The following CHRM2 variants were observed in gnomAD, a reference collection of about 807,000 sequenced individuals.
The protein encoded by CHRM2 is muscarinic acetylcholine receptor M2.
A neutral mutation model predicts 25.0 loss-of-function variants in CHRM2; 8 were observed. That is an observed-to-expected ratio of 0.32 (90% CI 0.19 to 0.58). The LOEUF (loss-of-function observed/expected upper bound fraction) is 0.58, where lower values mean the gene tolerates loss of function less well. Among genes scored for constraint, CHRM2 ranks in the 20% least tolerant of loss-of-function variants. CHRM2 has a pLI of 0.88. For synonymous variants in CHRM2, 202 were observed against 205.7 expected, an observed-to-expected ratio of 0.98 and a Z score of 0.15; for missense variants, 440 against 567.1, an observed-to-expected ratio of 0.78 and a Z score of 2.28.
chr7:136,975,210 G>C (rs945013313), intron 2 of CHRM2, among the ~76,000 whole-genome samples: 4 of 152,136 alleles, frequency 2.6e-5, no homozygotes, highest in African/African-American at 9.7e-5. Flanking sequence ...CAGCCTATAA[G>C]AAACAGCAAT....
intron 2 of CHRM2, among the ~76,000 whole-genome samples, chr7:136,920,772 G>T (rs556044130): frequency 6.6e-6 from 1 of 152,178 alleles, no homozygotes; most frequent in East Asian, 1.9e-4. Flanking sequence ...TTCCTCTGTG[G>T]TCTCAAACTC....
At chr7:136,957,000 C>T (rs543577705) in intron 2 of CHRM2, among the ~76,000 whole-genome samples, 22 of 152,136 alleles carry the variant, frequency 1.4e-4, no homozygotes, top group South Asian at 4.2e-4. Context: ...TGGCGGGACT[C>T]CCCCTACTCC....
At chr7:136,991,461 C>T (rs750594757) in intron 2 of CHRM2, among the ~76,000 whole-genome samples, 19 of 152,094 alleles carry the variant, frequency 1.2e-4, no homozygotes, top group African/African-American at 7.2e-5. Flanking sequence ...GGGTCTATTT[C>T]TGAGCTCTCT....
rs762921749 is a variant in CHRM2, at chr7:137,015,117, T to C, written c.252T>C (p.Thr84=). The part of the protein sequence containing the change: ...VFSMNLYTLY[T]VIGYWPLGPV... ...CCATGAACTTGTACACCCTCTACAC[T>C]GTGATTGGTTACTGGCCTTTGGGAC... is the stretch of plus-strand genomic sequence containing the variant. The change falls in exon 4 of 4, where the codon ACT becomes ACC. Residue 84 remains threonine, a synonymous_variant. Coordinates refer to ENST00000680005, the MANE Select transcript of CHRM2 (RefSeq NM_001006630.2). The surrounding 1 kb of genome is among the most constrained non-coding windows in gnomAD (Gnocchi z 5.1). 6 of 1,613,550 alleles carry C rather than the reference T, an allele frequency of 3.7e-6. No individual in the cohort carries two copies. The highest frequency in any genetic ancestry group is 5.1e-6 in the Non-Finnish European group (6 of 1,179,626).
chr7:136,920,421 C>T (rs1229419427), intron 2 of CHRM2, among the ~76,000 whole-genome samples: 1 of 152,168 alleles, frequency 6.6e-6, no homozygotes, highest in East Asian at 1.9e-4. Flanking sequence ...TGAGAACATA[C>T]TGTGTTCATC....
At chr7:136,870,863 C>G (rs531649330) in intron 2 of CHRM2, 1 of 152,494 alleles carries the variant, frequency 6.6e-6, no homozygotes, top group African/African-American at 2.4e-5. Context: ...TCCCACTCCT[C>G]AAGCTCCGGA....
chr7:136,950,370 T>C (rs1343345697), intron 2 of CHRM2, among the ~76,000 whole-genome samples: 2 of 152,084 alleles, frequency 1.3e-5, no homozygotes, highest in Non-Finnish European at 2.9e-5. Context: ...GATGCTCCTG[T>C]CCCTGCGGGA....
chr7:136,942,757 C>T (rs1378413630), intron 2 of CHRM2, among the ~76,000 whole-genome samples: 4 of 152,138 alleles, frequency 2.6e-5, no homozygotes, highest in African/African-American at 9.7e-5. Context: ...TCTCTTTATC[C>T]TCTTTGATTT....
At chr7:136,903,051 T>C (rs1029269408) in intron 2 of CHRM2, 20 of 511,772 alleles carry the variant, frequency 3.9e-5, no homozygotes, top group Non-Finnish European at 7.1e-5. Flanking sequence ...AGATGGGAAA[T>C]GAATGAATGA....
chr7:136,930,696 G>A (rs1348767718), intron 2 of CHRM2, among the ~76,000 whole-genome samples: 1 of 151,782 alleles, frequency 6.6e-6, no homozygotes, highest in Non-Finnish European at 1.5e-5. Flanking sequence ...AGGAAATCGA[G>A]ACCATCGTGG....
intron 3 of CHRM2, among the ~76,000 whole-genome samples, chr7:137,003,537 C>T (rs1417627935): frequency 8.0e-6 from 1 of 125,320 alleles, no homozygotes; most frequent in East Asian, 3.1e-4. Context: ...CACACACACA[C>T]TAGTTAGGTG....
At chr7:136,942,256 G>GGTCCCCAAC (rs1223477708) in intron 2 of CHRM2, among the ~76,000 whole-genome samples, 1 of 152,154 alleles carries the variant, frequency 6.6e-6, no homozygotes, top group Non-Finnish European at 1.5e-5. Context: ...ATTTGCAGCA[G>GGTCCCCAAC]ATGTGAAGCT....
At chr7:136,932,029 T>C (rs1169968090) in intron 2 of CHRM2, among the ~76,000 whole-genome samples, 1 of 152,200 alleles carries the variant, frequency 6.6e-6, no homozygotes, top group Admixed American at 6.5e-5. Flanking sequence ...GAAAACTCTC[T>C]CTGTACCTAT....
intron 2 of CHRM2, among the ~76,000 whole-genome samples, chr7:136,904,034 G>T (rs928291333): frequency 6.6e-6 from 1 of 151,732 alleles, no homozygotes; most frequent in Non-Finnish European, 1.5e-5. Context: ...ATGTACTATT[G>T]AATTCCATTT....
rs57283576 is a variant in CHRM2 at position 137,000,194 on chromosome 7, C to CTTTTTTTTTTTTTTTTTTTTTTTTT, written c.-47+7952_-47+7953insTTTTTTTTTTTTTTTTTTTTTTTTT. ...TTGTCTTTCATAATTCTTTTTCTTT[C>CTTTTTTTTTTTTTTTTTTTTTTTTT]TTTTTTTTTTTTTTTTTTTTTTCGG... is the stretch of plus-strand genomic sequence containing the variant. On this transcript the variant is annotated intron_variant, in intron 3 of 3. Coordinates refer to ENST00000680005, the MANE Select transcript of CHRM2 (RefSeq NM_001006630.2). Among the ~76,000 whole-genome samples, 3 of 73,316 alleles carry CTTTTTTTTTTTTTTTTTTTTTTTTT rather than the reference C, an allele frequency of 4.1e-5. 1 individual carries two copies. Among genetic ancestry groups the CTTTTTTTTTTTTTTTTTTTTTTTTT allele is most frequent in the South Asian group, 6.2e-4 (1 of 1,602 alleles). The allele number at this position is 73,316 out of a possible 152,430, so 48.1% of individuals were successfully genotyped here. A position where few individuals can be genotyped will look rare whatever the true frequency, so the allele number is the denominator to read the frequency against.
At chr7:136,962,602 G>A (rs371124066) in intron 2 of CHRM2, among the ~76,000 whole-genome samples, 5 of 152,190 alleles carry the variant, frequency 3.3e-5, no homozygotes, top group African/African-American at 1.2e-4. Context: ...TTAATTGAAA[G>A]TTAGTGGGGA....
intron 2 of CHRM2, among the ~76,000 whole-genome samples, chr7:136,967,420 A>G (rs1443242155): frequency 7.9e-5 from 12 of 152,058 alleles, no homozygotes; most frequent in Admixed American, 7.9e-4. Context: ...TTGAGTCAAA[A>G]TTCAAAAAGA....
intron 2 of CHRM2, among the ~76,000 whole-genome samples, chr7:136,913,776 A>G (rs554406980): frequency 1.2e-4 from 18 of 152,102 alleles, no homozygotes; most frequent in African/African-American, 4.1e-4. Context: ...ATAAAGCTGA[A>G]GCCCAGAGAA....
At chr7:136,874,417 C>G (rs1157724798) in intron 2 of CHRM2, among the ~76,000 whole-genome samples, 1 of 151,896 alleles carries the variant, frequency 6.6e-6, no homozygotes, top group Non-Finnish European at 1.5e-5. Context: ...ATACAATCAT[C>G]TTAACTGGTG....
Sources: allele counts gnomAD v4.1 joint callset (sites outside exome capture counted in the v4.1 genomes callset), GRCh38; gene constraint gnomAD v4.1.1; non-coding constraint Gnocchi (gnomAD v3.1); transcripts MANE v1.5; gene names NCBI Gene and HGNC (gene_info 2026-07-23, HGNC 2026-07-21).